Variants in NTM observed in about 807,000 individuals in gnomAD.
NTM encodes IgLON family member 2.
In NTM, 13 loss-of-function variants were observed where a neutral mutation model predicts 42.1. The observed-to-expected ratio is 0.31, with a 90% CI of 0.20 to 0.49. The LOEUF (loss-of-function observed/expected upper bound fraction) is 0.49, where lower values mean the gene tolerates loss of function less well. NTM is among the 20% of genes least tolerant of loss of function. The pLI is 0.99. For missense variants in NTM, 373 were observed against 452.8 expected (o/e 0.82, Z 1.60); for synonymous variants, 187 against 179.2 (o/e 1.04, Z -0.35).
intron 2 of NTM, among the ~76,000 whole-genome samples, chr11:132,138,332 A>T (rs2137194948): frequency 6.6e-6 from 1 of 152,298 alleles, no homozygotes; most frequent in African/African-American, 2.4e-5. Context: ...TGCAGAGAAA[A>T]GCTTGCCGGT....
intron 1 of NTM, among the ~76,000 whole-genome samples, chr11:131,429,304 A>G (rs961367477): frequency 1.3e-5 from 2 of 152,012 alleles, no homozygotes; most frequent in Non-Finnish European, 2.9e-5. Flanking sequence ...AATGGGGAGA[A>G]CACCTGGGTT....
At chr11:132,292,807 A>AAAAAAAAAAAAAAAAAAAAAC (rs2094494192) in intron 4 of NTM, among the ~76,000 whole-genome samples, 2 of 150,148 alleles carry the variant, frequency 1.3e-5, no homozygotes, top group Non-Finnish European at 1.5e-5. Flanking sequence ...AAAAAAAAAA[A>AAAAAAAAAAAAAAAAAAAAAC]AAAAAACTAA....
At chr11:132,015,664 T>C (rs1306733928) in intron 2 of NTM, among the ~76,000 whole-genome samples, 1 of 151,580 alleles carries the variant, frequency 6.6e-6, no homozygotes, top group African/African-American at 2.4e-5. Context: ...TATTTTATTT[T>C]ATTTTATGCA....
In NTM at chr11:132,209,444, C is replaced by T. The variant is rs553256172; in HGVS notation, c.401-2578C>T. ...GTGCATGCATATGCAGAGACACACA[C>T]GCTGCCTATCTGAAGCTCAATGAGG... is the stretch of plus-strand genomic sequence containing the variant. On this transcript the variant is annotated intron_variant, in intron 3 of 8. Coordinates refer to ENST00000683400, the MANE Select transcript of NTM (RefSeq NM_001352005.2). 4.2e-4 allele frequency among the ~76,000 whole-genome samples: 64 copies of T among 152,264 alleles called. No homozygotes were observed. In the South Asian group the frequency reaches 9.1e-3, roughly 22 times the overall value.
At chr11:132,087,475 C>T (rs2059866321) in intron 2 of NTM, among the ~76,000 whole-genome samples, 1 of 152,124 alleles carries the variant, frequency 6.6e-6, no homozygotes, top group African/African-American at 2.4e-5. Flanking sequence ...GAACCCAAGG[C>T]TTGGAATTGA....
At chr11:131,747,946 C>T (rs2082020533) in intron 1 of NTM, among the ~76,000 whole-genome samples, 1 of 152,162 alleles carries the variant, frequency 6.6e-6, no homozygotes. Context: ...GACAACAGGC[C>T]CTCCACTGTA....
chr11:132,076,235 T>C (rs1028876331), intron 2 of NTM, among the ~76,000 whole-genome samples: 2 of 152,140 alleles, frequency 1.3e-5, no homozygotes, highest in Non-Finnish European at 2.9e-5. Flanking sequence ...AATTAGTAAA[T>C]ATTGTAGACT....
At chr11:131,796,285 C>G (rs1010069767) in intron 1 of NTM, 7 of 559,978 alleles carry the variant, frequency 1.3e-5, no homozygotes, top group Admixed American at 1.3e-4. Context: ...CTGCTGCCTG[C>G]CTGGCTGTGC....
intron 4 of NTM, among the ~76,000 whole-genome samples, chr11:132,241,453 C>G (rs1341800901): frequency 2.0e-5 from 3 of 152,002 alleles, no homozygotes; most frequent in African/African-American, 4.8e-5. Flanking sequence ...TAGTCCTCAT[C>G]CCCCCCAGCA....
chr11:131,742,227 CA>C (rs1189711699), intron 1 of NTM, among the ~76,000 whole-genome samples: 5 of 152,076 alleles, frequency 3.3e-5, no homozygotes, highest in Non-Finnish European at 5.9e-5. Flanking sequence ...ACTTAAAAGT[CA>C]AAAGATAAAA....
intron 1 of NTM, among the ~76,000 whole-genome samples, chr11:131,389,875 C>T (rs1943792918): frequency 6.6e-6 from 1 of 152,072 alleles, no homozygotes; most frequent in African/African-American, 2.4e-5. Context: ...AATATAACAG[C>T]AAAGCATCCA....
intron 1 of NTM, among the ~76,000 whole-genome samples, chr11:131,662,929 C>A (rs571402311): frequency 6.6e-6 from 1 of 152,192 alleles, no homozygotes; most frequent in African/African-American, 2.4e-5. Context: ...AGAACATGTT[C>A]CACAGAGCAT....
chr11:132,017,949 A>G lies in NTM; in HGVS notation c.167+106301A>G, dbSNP rs554317916. Among the ~76,000 whole-genome samples the G allele has an allele frequency of 2.0e-5, 3 of 152,168 alleles. No homozygotes were observed. In the South Asian group the frequency reaches 6.2e-4, roughly 32 times the overall value. On this transcript the variant is annotated intron_variant, in intron 2 of 8. Coordinates refer to ENST00000683400, the MANE Select transcript of NTM (RefSeq NM_001352005.2). ...TATTGTCAGTGTACAGAAATACAAT[A>G]GACTTTTGTATGCCAATGCTCTTTC... is the stretch of plus-strand genomic sequence containing the variant.
chr11:132,081,069 G>C (rs2058974086), intron 2 of NTM, among the ~76,000 whole-genome samples: 1 of 152,230 alleles, frequency 6.6e-6, no homozygotes, highest in South Asian at 2.1e-4. Flanking sequence ...GATGCTAAGG[G>C]ATTTGGCACA....
At chr11:131,742,778 G>A (rs548008556) in intron 1 of NTM, among the ~76,000 whole-genome samples, 1 of 152,274 alleles carries the variant, frequency 6.6e-6, no homozygotes, top group Admixed American at 6.5e-5. Context: ...AAAGCATAAT[G>A]CATTTAAGAA....
chr11:132,124,414 G>A (rs2065335815), intron 2 of NTM, among the ~76,000 whole-genome samples: 1 of 152,174 alleles, frequency 6.6e-6, no homozygotes, highest in South Asian at 2.1e-4. Context: ...GGAAGCTCTT[G>A]GCACCTGCGC....
chr11:131,574,487 C>T (rs2057744371), intron 1 of NTM, among the ~76,000 whole-genome samples: 1 of 152,078 alleles, frequency 6.6e-6, no homozygotes, highest in African/African-American at 2.4e-5. Context: ...TTCAGAGTCC[C>T]AGGCCTAAGG....
intron 2 of NTM, among the ~76,000 whole-genome samples, chr11:132,037,466 G>A (rs1026346950): frequency 6.6e-6 from 1 of 152,144 alleles, no homozygotes; most frequent in African/African-American, 2.4e-5. Context: ...CTGGACAATA[G>A]TCAAATAGGC....
intron 2 of NTM, among the ~76,000 whole-genome samples, chr11:131,923,189 G>A (rs749894991): frequency 6.6e-6 from 1 of 152,062 alleles, no homozygotes; most frequent in Admixed American, 6.5e-5. Flanking sequence ...TGTTATTTAT[G>A]TATGTCTTCT....
Sources: allele counts gnomAD v4.1 joint callset (sites outside exome capture counted in the v4.1 genomes callset), GRCh38; gene constraint gnomAD v4.1.1; transcripts MANE v1.5; gene names NCBI Gene and HGNC (gene_info 2026-07-23, HGNC 2026-07-21).